SCN10A: variants seen among roughly 807,000 people sequenced by gnomAD.
SCN10A encodes the protein sodium voltage-gated channel alpha subunit 10.
A neutral mutation model predicts 170.7 loss-of-function variants in SCN10A; 162 were observed. The observed-to-expected ratio is 0.95, with a 90% CI of 0.84 to 1.08. The LOEUF is 1.08. SCN10A is among the 50% of genes least tolerant of loss of function. The probability of loss-of-function intolerance (pLI) is 0.00; values close to 1 mark genes in which losing one functional copy is unlikely to be tolerated. For synonymous variants in SCN10A, 985 were observed against 904.6 expected (o/e 1.09, Z -1.59); for missense variants, 2,527 against 2,436.9 (o/e 1.04, Z -0.78).
At chr3:38,802,713 C>T (rs1575187634) in intron 1 of SCN10A, among the ~76,000 whole-genome samples, 1 of 152,236 alleles carries the variant, frequency 6.6e-6, no homozygotes, top group Middle Eastern at 3.4e-3. Flanking sequence ...AAAACCTAGG[C>T]AATACCATTT....
chr3:38,792,966 T>C (rs1439741785), intron 2 of SCN10A, among the ~76,000 whole-genome samples: 1 of 151,998 alleles, frequency 6.6e-6, no homozygotes, highest in East Asian at 1.9e-4. Flanking sequence ...TATATATGTA[T>C]ATATGCTTAT....
chr3:38,746,063 GTATATATATATATATATATATATATA>G (rs1553619550), intron 13 of SCN10A, among the ~76,000 whole-genome samples: 2 of 61,626 alleles, frequency 3.2e-5, no homozygotes, highest in African/African-American at 4.8e-5. Flanking sequence ...GTGTGTATGT[GTATATATATATATATATATATATATA>G]TATATATATA....
chr3:38,792,904 G>A (rs532274257), intron 2 of SCN10A, among the ~76,000 whole-genome samples: 74 of 152,064 alleles, frequency 4.9e-4, no homozygotes, highest in African/African-American at 1.6e-3. Flanking sequence ...TTTTGTTTAT[G>A]TTGATACCTT....
intron 5 of SCN10A, among the ~76,000 whole-genome samples, chr3:38,763,832 A>G (rs2126034605): frequency 6.6e-6 from 1 of 152,304 alleles, no homozygotes; most frequent in South Asian, 2.1e-4. Flanking sequence ...CTGCATGTGG[A>G]CGGATCTTCA....
At chr3:38,759,308 C>A (rs1204750533) in intron 8 of SCN10A, among the ~76,000 whole-genome samples, 1 of 152,098 alleles carries the variant, frequency 6.6e-6, no homozygotes, top group South Asian at 2.1e-4. Context: ...GTGGCCAAAG[C>A]AGCAGGCAGA....
intron 24 of SCN10A, among the ~76,000 whole-genome samples, chr3:38,710,169 T>C (rs1470532002): frequency 2.0e-5 from 3 of 151,096 alleles, no homozygotes; most frequent in Non-Finnish European, 3.0e-5. Context: ...TTTTCTTTTC[T>C]TTTTTTTTGA....
At chr3:38,779,992 G>A (rs996579660) in intron 4 of SCN10A, among the ~76,000 whole-genome samples, 1 of 151,754 alleles carries the variant, frequency 6.6e-6, no homozygotes, top group African/African-American at 2.4e-5. Context: ...AGGGAAGGTA[G>A]TTTGCTATAT....
At chr3:38,735,169 C>CAAA (rs543574832) in intron 15 of SCN10A, among the ~76,000 whole-genome samples, 100 of 76,048 alleles carry the variant, frequency 1.3e-3, no homozygotes, top group Non-Finnish European at 1.7e-3. Context: ...GACTCTGTCT[C>CAAA]AAAAAAAAAA....
rs766044301 is a variant in SCN10A, at chr3:38,713,960, G to A, written c.3802C>T (p.Arg1268Trp). ...LRALSRFEGM[R>W]VVVDALVGAI... The stretch of plus-strand genomic sequence containing the variant: ...AGAAGTTTTGAGATCAGACTTACCC[G>A]CATGCCTTCAAATCGAGAAAGAGCC... The change falls in exon 22 of 28, where the codon CGG becomes TGG. Residue 1268 changes from arginine to tryptophan, a missense_variant and splice_region_variant. Coordinates refer to ENST00000449082, the MANE Select transcript of SCN10A (RefSeq NM_006514.4). The A allele has an allele frequency of 4.3e-6, 7 of 1,613,268 alleles. No individual in the cohort carries two copies. Among genetic ancestry groups the A allele is most frequent in the Admixed American group, 3.3e-5 (2 of 60,018 alleles).
chr3:38,762,871 C>G (rs978242828), intron 6 of SCN10A, among the ~76,000 whole-genome samples: 1 of 152,146 alleles, frequency 6.6e-6, no homozygotes, highest in African/African-American at 2.4e-5. Context: ...AGAGGGGAAG[C>G]ATCAAGTCCC....
chr3:38,737,900 G>A (rs1042726292), intron 15 of SCN10A, among the ~76,000 whole-genome samples: 6 of 131,496 alleles, frequency 4.6e-5, no homozygotes, highest in Non-Finnish European at 9.8e-5. Context: ...TCTTTCATCT[G>A]TCTTTCTCTC....
intron 22 of SCN10A, among the ~76,000 whole-genome samples, chr3:38,713,750 G>T (rs1228532011): frequency 6.6e-6 from 1 of 151,320 alleles, no homozygotes; most frequent in Non-Finnish European, 1.5e-5. Context: ...GGAGTATAAT[G>T]GCACAATCTC....
intron 15 of SCN10A, among the ~76,000 whole-genome samples, chr3:38,730,356 A>G (rs1056858797): frequency 6.6e-6 from 1 of 152,260 alleles, no homozygotes; most frequent in African/African-American, 2.4e-5. Flanking sequence ...AATTTAATTT[A>G]GAGCAATTCT....
At position 38,698,318 on chromosome 3, in the gene SCN10A, C is replaced by T. The variant is rs2125980207; in HGVS notation, c.4902G>A (p.Trp1634Ter). The T allele has an allele frequency of 1.2e-6, 2 of 1,613,966 alleles. No homozygotes were observed. The highest frequency in any genetic ancestry group is 1.7e-5 in the Admixed American group (1 of 60,006). ...TGAACATGTCGTCGATGCCAGCCTCCCACCTCACATGGGGAAAGCTGGACA... is the reference window on the plus strand; with the variant it reads ...TGAACATGTCGTCGATGCCAGCCTCTCACCTCACATGGGGAAAGCTGGACA... ...FGMSSFPHVR[W>*]EAGIDDMFNF... The change falls in exon 28 of 28, where the codon TGG becomes TGA. Residue 1634 changes from tryptophan (W) to a stop codon, truncating the protein, a stop_gained. Coordinates refer to ENST00000449082, the MANE Select transcript of SCN10A (RefSeq NM_006514.4). LOFTEE classifies it high-confidence loss of function.
Position 38,762,166 on chromosome 3 carries a change from G to A in SCN10A, c.692-783C>T, listed in dbSNP as rs1575160056. On this transcript the variant is annotated intron_variant, in intron 6 of 27. Transcript: ENST00000449082. ...GAGCTCTGACCAGGGAAGCAATCTA[G>A]GATTTATTTTTGGTTAGTCATTTTG... is the stretch of plus-strand genomic sequence containing the variant. Among the ~76,000 whole-genome samples the A allele has an allele frequency of 2.0e-5, 3 of 152,308 alleles. No homozygotes were observed. In the Middle Eastern group the frequency reaches 0.01, roughly 518 times the overall value.
At position 38,757,281 on chromosome 3, in the gene SCN10A, A is replaced by G. The variant is rs2063819588; in HGVS notation, c.951-122T>C. 3 of 958,612 alleles carry G rather than the reference A, an allele frequency of 3.1e-6. No individual in the cohort carries two copies. The East Asian group carries it at 7.4e-5, about 24-fold the overall frequency. 59.4% of individuals were successfully genotyped at this position (958,612 alleles called of 1,614,324 possible). On this transcript the variant is annotated intron_variant, in intron 8 of 27. Transcript: ENST00000449082. ...TTCAAGACCTAGTCTTCCTCTTATT[A>G]GCAGGATGATCTTGGACACTTGGTC...
intron 13 of SCN10A, among the ~76,000 whole-genome samples, chr3:38,748,951 C>T (rs190555109): frequency 1.0e-3 from 158 of 152,244 alleles, no homozygotes; most frequent in Non-Finnish European, 1.6e-3. Flanking sequence ...GTAGCATCAC[C>T]CCCCAGATAT....
rs1480258058 is a variant in SCN10A, at chr3:38,709,618, G to T, written c.4144-3C>A. ...TCCCACTTGGGTTGCATGTTGACCT[G>T]TGACCAGACAAGGGAGAGTGGGAAG... On this transcript the variant is annotated splice_region_variant and splice_polypyrimidine_tract_variant and intron_variant, in intron 24 of 27. Coordinates refer to ENST00000449082, the MANE Select transcript of SCN10A (RefSeq NM_006514.4). 5 of 1,595,386 alleles carry T rather than the reference G, an allele frequency of 3.1e-6. No individual in the cohort carries two copies. The highest frequency in any genetic ancestry group is 4.3e-6 in the Non-Finnish European group (5 of 1,171,038).
At chr3:38,699,119 C>G (rs962975215) in intron 27 of SCN10A, among the ~76,000 whole-genome samples, 7 of 151,820 alleles carry the variant, frequency 4.6e-5, no homozygotes, top group African/African-American at 1.7e-4. Flanking sequence ...TACAAGGGGG[C>G]CTGAGGATTC....
Sources: allele counts gnomAD v4.1 joint callset (sites outside exome capture counted in the v4.1 genomes callset), GRCh38; gene constraint gnomAD v4.1.1; transcripts MANE v1.5; gene names NCBI Gene and HGNC (gene_info 2026-07-23, HGNC 2026-07-21).